Variants in MILR1 observed in about 807,000 individuals in gnomAD.
MILR1 encodes the protein allergin-1.
Under a neutral mutation model 18.5 loss-of-function variants are expected in MILR1, and 31 were observed. The ratio of observed to expected loss-of-function variants is 1.68; its 90% confidence interval spans 1.26 to 2.26. The LOEUF (loss-of-function observed/expected upper bound fraction) is 2.26. MILR1 is among the 30% of genes most tolerant of loss of function. MILR1 has a pLI of 0.00. For synonymous variants in MILR1, 85 were observed against 56.2 expected (o/e 1.51, Z -2.30); for missense variants, 257 against 157.4 (o/e 1.63, Z -3.38).
the MILR1 span, chr17:64,492,684 G>A: frequency 1.7e-5 from 28 of 1,606,798 alleles, no homozygotes; most frequent in Admixed American, 3.3e-5. Flanking sequence ...CACCACTGGA[G>A]TCGATGACGT....
chr17:64,496,799 G>A, the MILR1 span: 1 of 1,613,548 alleles, frequency 6.2e-7, no homozygotes, highest in East Asian at 2.2e-5. Context: ...GGGGGCTTCT[G>A]GGTGCTCGCC....
chr17:64,471,288 C>G (rs1253868751), downstream of MILR1, among the ~76,000 whole-genome samples: 1 of 152,124 alleles, frequency 6.6e-6, no homozygotes, highest in African/African-American at 2.4e-5. Flanking sequence ...CTGGAATCTT[C>G]TGAAGAGCCC....
intron 3 of MILR1, among the ~76,000 whole-genome samples, chr17:64,456,354 G>A (rs899014697): frequency 6.6e-6 from 1 of 151,930 alleles, no homozygotes; most frequent in Non-Finnish European, 1.5e-5. Context: ...GGGTTTTTCT[G>A]TTAGGTCATA....
chr17:64,452,037 G>A (rs1405152977), intron 2 of MILR1, among the ~76,000 whole-genome samples: 4 of 150,664 alleles, frequency 2.7e-5, no homozygotes, highest in Non-Finnish European at 4.4e-5. Context: ...TTTTTGAAGA[G>A]TCTAAATCTG....
At chr17:64,497,001 T>A in the MILR1 span, 1 of 1,578,810 alleles carries the variant, frequency 6.3e-7, no homozygotes, top group South Asian at 1.1e-5. Context: ...CACTCTCCCA[T>A]CACTCAACGG....
chr17:64,496,678 G>C, the MILR1 span: 1 of 1,613,990 alleles, frequency 6.2e-7, no homozygotes, highest in Non-Finnish European at 8.5e-7. Flanking sequence ...GTCCGAAGCC[G>C]GGGTGGCACC....
chr17:64,463,817 ATTTTTTTTT>A (rs1200586705), intron 5 of MILR1, among the ~76,000 whole-genome samples: 2 of 103,922 alleles, frequency 1.9e-5, no homozygotes, highest in South Asian at 6.0e-4. Context: ...CTCCTGGCTA[ATTTTTTTTT>A]TTTTTTTTTT....
intron 4 of MILR1, 92 bp downstream of exon 4, chr17:64,457,776 C>A (rs977704659): frequency 4.3e-6 from 2 of 462,030 alleles, no homozygotes; most frequent in Non-Finnish European, 7.7e-6. Context: ...ACCATGGCCA[C>A]CTGACCTTCC....
chr17:64,475,367 G>A, the MILR1 span, among the ~76,000 whole-genome samples: 14 of 151,988 alleles, frequency 9.2e-5, no homozygotes, highest in Admixed American at 6.6e-4. Context: ...TCTAGCAAAC[G>A]GCCGGGTGCG....
At position 64,452,846 on chromosome 17, in the gene MILR1, ACTTCAG is replaced by A; in HGVS notation, c.353_358del (p.Ser118_Phe119del). On this transcript the variant is annotated inframe_deletion, in exon 3 of 10. Transcript: ENST00000619286. Reference sequence around the variant, plus strand: ...ACCAGCTGTTCAAAATACAGTCGTGACTTCAGCTTCACGATTGTCGGTAAGTAGAGT... The same window carrying A: ...ACCAGCTGTTCAAAATACAGTCGTGACTTCACGATTGTCGGTAAGTAGAGT... 2.1e-6 allele frequency: 1 copy of A among 475,162 alleles called. No homozygotes were observed. 29.4% of individuals were successfully genotyped at this position (475,162 alleles called of 1,614,324 possible).
At chr17:64,477,600 G>A in the MILR1 span, among the ~76,000 whole-genome samples, 1 of 152,126 alleles carries the variant, frequency 6.6e-6, no homozygotes, top group Non-Finnish European at 1.5e-5. Context: ...TTGTATGTAA[G>A]AAAAACAAAC....
At chr17:64,476,730 G>A in the MILR1 span, among the ~76,000 whole-genome samples, 1 of 151,764 alleles carries the variant, frequency 6.6e-6, no homozygotes, top group African/African-American at 2.4e-5. Context: ...GCTCAAAATT[G>A]TTATCCCATC....
chr17:64,477,810 C>G, the MILR1 span: 22 of 1,552,732 alleles, frequency 1.4e-5, no homozygotes, highest in African/African-American at 1.4e-5. Context: ...ATTTATTATA[C>G]AAATATAAAA....
chr17:64,490,629 C>T, the MILR1 span: 1 of 637,898 alleles, frequency 1.6e-6, no homozygotes. Context: ...CTGTTAATTT[C>T]CTGATTTTGA....
chr17:64,491,391 T>TC, the MILR1 span: 1 of 613,384 alleles, frequency 1.6e-6, no homozygotes, highest in South Asian at 1.9e-5. Flanking sequence ...GCTTAGGACT[T>TC]CGAGACCAGC....
At chr17:64,472,594 C>T (rs1409539490), downstream of MILR1, among the ~76,000 whole-genome samples, 2 of 149,688 alleles carry the variant, frequency 1.3e-5, no homozygotes, top group Non-Finnish European at 3.0e-5. Flanking sequence ...ACTATAATAC[C>T]GTGTTTTTAC....
chr17:64,458,411 C>G (rs1455474157), intron 4 of MILR1, among the ~76,000 whole-genome samples: 1 of 151,868 alleles, frequency 6.6e-6, no homozygotes, highest in Non-Finnish European at 1.5e-5. Flanking sequence ...CGGGTTTTCA[C>G]CATGTTGGCC....
intron 2 of MILR1, among the ~76,000 whole-genome samples, chr17:64,449,672 C>T (rs1474039954): frequency 6.6e-6 from 1 of 151,932 alleles, no homozygotes; most frequent in Non-Finnish European, 1.5e-5. Context: ...GTGGTGCCTC[C>T]GGCCTGTAAT....
At chr17:64,464,283 ATT>A (rs1296195048) in intron 5 of MILR1, among the ~76,000 whole-genome samples, 7 of 133,978 alleles carry the variant, frequency 5.2e-5, no homozygotes, top group Admixed American at 7.6e-5. Flanking sequence ...TGCCTGGCTA[ATT>A]TTTTTTTTTT....
Sources: allele counts gnomAD v4.1 joint callset (sites outside exome capture counted in the v4.1 genomes callset), GRCh38; gene constraint gnomAD v4.1.1; transcripts MANE v1.5; gene names NCBI Gene and HGNC (gene_info 2026-07-23, HGNC 2026-07-21).